Variants in SULF1 observed in about 807,000 individuals in gnomAD.
SULF1 encodes the protein extracellular sulfatase Sulf-1.
Under a neutral mutation model 110.5 loss-of-function variants are expected in SULF1, and 46 were observed. The ratio of observed to expected loss-of-function variants is 0.42; its 90% CI spans 0.33 to 0.53. SULF1 has a LOEUF of 0.53. Among genes scored for constraint, SULF1 ranks in the 20% least tolerant of loss-of-function variants. The pLI is 0.12. For synonymous variants in SULF1, 371 were observed against 387.1 expected, an observed-to-expected ratio of 0.96 and a Z score of 0.49; for missense variants, 941 against 1,094.2, an observed-to-expected ratio of 0.86 and a Z score of 1.98.
At chr8:69,509,388 A>G (rs1811409622) in intron 3 of SULF1, among the ~76,000 whole-genome samples, 1 of 152,238 alleles carries the variant, frequency 6.6e-6, no homozygotes, top group Non-Finnish European at 1.5e-5. Flanking sequence ...CAGTGCATTA[A>G]AAATAAAAAA....
At chr8:69,587,096 A>T (rs1193684818) in intron 7 of SULF1, among the ~76,000 whole-genome samples, 1 of 152,216 alleles carries the variant, frequency 6.6e-6, no homozygotes, top group Admixed American at 6.5e-5. Context: ...TGAAATCAAC[A>T]TGTCCCATAG....
At chr8:69,642,726 G>A (rs1811576988) in intron 22 of SULF1, among the ~76,000 whole-genome samples, 1 of 152,138 alleles carries the variant, frequency 6.6e-6, no homozygotes. Flanking sequence ...GAGATAAAAG[G>A]GTGTTCACAG....
chr8:69,536,642 A>C (rs910266004), intron 3 of SULF1, among the ~76,000 whole-genome samples: 1 of 152,190 alleles, frequency 6.6e-6, no homozygotes, highest in African/African-American at 2.4e-5. Context: ...ACAAACATAA[A>C]ATTACTAAGG....
intron 22 of SULF1, among the ~76,000 whole-genome samples, chr8:69,646,426 AT>A (rs10578329): frequency 0.48 from 69,392 of 144,746 alleles, 16,371 homozygotes; most frequent in East Asian, 0.56. Flanking sequence ...TATTATCCTC[AT>A]TTTTTTTTTT....
At chr8:69,508,516 T>G (rs1324626758) in intron 3 of SULF1, among the ~76,000 whole-genome samples, 1 of 152,242 alleles carries the variant, frequency 6.6e-6, no homozygotes, top group African/African-American at 2.4e-5. Context: ...TCTATTTGTT[T>G]ATTAGTAGCC....
At chr8:69,644,727 C>G (rs1811749955) in intron 22 of SULF1, among the ~76,000 whole-genome samples, 1 of 149,352 alleles carries the variant, frequency 6.7e-6, no homozygotes, top group Admixed American at 6.7e-5. Flanking sequence ...CGCCACTGGA[C>G]TCCTGCCTGA....
intron 3 of SULF1, among the ~76,000 whole-genome samples, chr8:69,526,839 AAGGG>A (rs1483210781): frequency 1.1e-3 from 151 of 134,738 alleles, no homozygotes; most frequent in African/African-American, 4.4e-3. Flanking sequence ...GGAAGGAAGG[AAGGG>A]AGGAAGGAAG....
Position 69,644,667 on chromosome 8 carries a change from A to G in SULF1, c.2585+3826A>G, listed in dbSNP as rs923803680. Among the ~76,000 whole-genome samples the G allele has an allele frequency of 2.6e-5, 4 of 151,532 alleles. No individual in the cohort carries two copies. In the South Asian group the frequency reaches 6.3e-4, roughly 24 times the overall value. ...GGGCATGGTGGCGGGAGGCTGAGGCAGGAGAATGGCGTGAACCCGGGAGGC... is the reference window on the plus strand; with the variant it reads ...GGGCATGGTGGCGGGAGGCTGAGGCGGGAGAATGGCGTGAACCCGGGAGGC... On this transcript the variant is annotated intron_variant, in intron 22 of 22. Coordinates refer to ENST00000402687, the MANE Select transcript of SULF1 (RefSeq NM_001128205.2).
intron 22 of SULF1, among the ~76,000 whole-genome samples, chr8:69,642,062 C>G (rs1214206311): frequency 3.3e-5 from 5 of 152,116 alleles, no homozygotes; most frequent in Non-Finnish European, 7.4e-5. Context: ...TACCAGTACC[C>G]TAGTTAATGT....
At chr8:69,582,670 A>G (rs916643239) in intron 6 of SULF1, among the ~76,000 whole-genome samples, 13 of 145,174 alleles carry the variant, frequency 9.0e-5, no homozygotes, top group South Asian at 6.9e-4. Context: ...CTCAATCACT[A>G]TGCTTTTTGC....
At chr8:69,517,292 T>C (rs576195411) in intron 3 of SULF1, among the ~76,000 whole-genome samples, 3 of 152,224 alleles carry the variant, frequency 2.0e-5, no homozygotes, top group African/African-American at 7.2e-5. Context: ...AGAACTCTCA[T>C]GACCTAATCA....
chr8:69,589,245 C>A, intron 8 of SULF1, 104 bp downstream of exon 8: 2 of 1,144,982 alleles, frequency 1.7e-6, no homozygotes, highest in Non-Finnish European at 2.4e-6. Flanking sequence ...TGCGTATCCA[C>A]AAGGCTTTCT....
intron 9 of SULF1, 26 bp downstream of exon 9, chr8:69,600,779 A>G: frequency 6.2e-7 from 1 of 1,604,338 alleles, no homozygotes; most frequent in South Asian, 1.1e-5. Context: ...TACCTCAGTG[A>G]TAGTTTTTGG....
At chr8:69,566,837 G>A (rs1166628506) in intron 5 of SULF1, among the ~76,000 whole-genome samples, 1 of 152,166 alleles carries the variant, frequency 6.6e-6, no homozygotes, top group Non-Finnish European at 1.5e-5. Context: ...GCTACAGAGC[G>A]AGACTCCATT....
intron 19 of SULF1, among the ~76,000 whole-genome samples, chr8:69,633,939 G>A (rs550059829): frequency 2.0e-5 from 3 of 151,946 alleles, no homozygotes; most frequent in Non-Finnish European, 4.4e-5. Flanking sequence ...CCATTTAAAC[G>A]GTTAATTTGG....
intron 8 of SULF1, among the ~76,000 whole-genome samples, chr8:69,595,856 A>C (rs534685588): frequency 6.6e-6 from 1 of 152,220 alleles, no homozygotes; most frequent in Non-Finnish European, 1.5e-5. Flanking sequence ...CCAGGTATAG[A>C]TTTAATATAC....
At chr8:69,557,587 CAG>C (rs1165709207) in intron 3 of SULF1, among the ~76,000 whole-genome samples, 1 of 152,148 alleles carries the variant, frequency 6.6e-6, no homozygotes, top group African/African-American at 2.4e-5. Context: ...CCTGAGAAGA[CAG>C]AGAGAAAACC....
At position 69,603,634 on chromosome 8, in the gene SULF1, G is replaced by A. The variant is rs1304347608; in HGVS notation, c.1225G>A (p.Asp409Asn). 5.0e-6 allele frequency: 8 copies of A among 1,613,658 alleles called. No individual in the cohort carries two copies. Among genetic ancestry groups the A allele is most frequent in the Non-Finnish European group, 6.8e-6 (8 of 1,179,526 alleles). The change falls in exon 12 of 23, where the codon GAT (aspartate) becomes AAT (asparagine). Residue 409 changes from aspartate (D) to asparagine (N), a missense_variant. Physicochemically the swap from Asp to Asn is conservative, Grantham distance 23. This residue lies in a region of SULF1 where 822 missense variants were observed against 934.3 expected (regional missense o/e 0.88). Transcript: ENST00000402687. ...RTNKKAKIWR[D>N]TFLVERGKFL... Reference sequence around the variant, plus strand: ...AAACAAGAAGGCCAAAATTTGGCGTGATACATTCCTAGTGGAAAGAGGGTA... The same window carrying A: ...AAACAAGAAGGCCAAAATTTGGCGTAATACATTCCTAGTGGAAAGAGGGTA...
chr8:69,649,157 C>T (rs1340855297), intron 22 of SULF1, among the ~76,000 whole-genome samples: 1 of 152,130 alleles, frequency 6.6e-6, no homozygotes, highest in African/African-American at 2.4e-5. Flanking sequence ...GTTCTAATGT[C>T]GAATAAATTT....
Sources: gnomAD v4.1 joint callset for allele counts (sites outside exome capture counted in the v4.1 genomes callset) on GRCh38, gnomAD v4.1.1 for gene constraint, gnomAD v4.1.1 regional missense constraint, MANE v1.5 for transcripts, NCBI Gene and HGNC (gene_info 2026-07-23, HGNC 2026-07-21) for gene names.